RRM2: variants seen among roughly 807,000 people sequenced by gnomAD.
RRM2 encodes the protein ribonucleotide reductase regulatory subunit M2.
In RRM2, 6 loss-of-function variants were observed where a neutral mutation model predicts 45.9. That is an observed-to-expected ratio of 0.13 (90% CI 0.07 to 0.26). RRM2 has a LOEUF of 0.26. Among genes scored for constraint, RRM2 ranks in the 10% least tolerant of loss-of-function variants. The pLI, the probability that RRM2 is intolerant of heterozygous loss-of-function variation, is 1.00. For missense variants in RRM2, 343 were observed against 489.5 expected, an observed-to-expected ratio of 0.70 and a Z score of 2.82; for synonymous variants, 177 against 173.0, an observed-to-expected ratio of 1.02 and a Z score of -0.18.
At position 10,205,043 on chromosome 2, in the gene RRM2, G is replaced by A. The variant is rs1044723766; in HGVS notation, n.483-5268G>A. On this transcript the variant is annotated intron_variant and non_coding_transcript_variant, in intron 3 of 3. Coordinates refer to the RRM2 transcript ENST00000381786. This position sits in a 1 kb window ranked among gnomAD's most constrained non-coding sequence, Gnocchi z 4.8. ...CAAGCAACCCCACGTGGTCTGCTTC[G>A]AATCCAGCAAACTTTTGTTTTCAGT... 6.6e-6 allele frequency among the ~76,000 whole-genome samples: 1 copy of A among 152,204 alleles called. No individual in the cohort carries two copies.
Position 10,127,097 on chromosome 2 carries a change from T to C in RRM2, c.675T>C (p.Val225=), listed in dbSNP as rs756364571. 11 of 1,614,138 alleles carry C rather than the reference T, an allele frequency of 6.8e-6. No individual in the cohort carries two copies. The African/African-American group carries it at 1.3e-4, about 20-fold the overall frequency. The change falls in exon 7 of 10, where the codon GTT becomes GTC. Residue 225 remains valine, a synonymous_variant. Transcript: ENST00000304567. This position sits in a 1 kb window ranked among gnomAD's most constrained non-coding sequence, Gnocchi z 4.1. ...GDKEATYGER[V]VAFAAVEGIF... The stretch of plus-strand genomic sequence containing the variant: ...TTAACTCCTAAATAGGTGAACGTGT[T>C]GTAGCCTTTGCTGCAGTGGAAGGCA...
chr2:10,136,277 A>G (rs1287310226), downstream of RRM2, among the ~76,000 whole-genome samples: 6 of 152,256 alleles, frequency 3.9e-5, no homozygotes, highest in Non-Finnish European at 8.8e-5. Flanking sequence ...TGAAAAGACA[A>G]GACAGGTTTG....
At chr2:10,124,657 G>A (rs1156273021) in intron 4 of RRM2, 60 bp from the exon 5 acceptor site, 46 of 1,599,006 alleles carry the variant, frequency 2.9e-5, no homozygotes, top group Non-Finnish European at 3.7e-5. Context: ...GCCAGTATCC[G>A]TTGACAGTTG....
chr2:10,133,782 G>C (rs971077668), downstream of RRM2, among the ~76,000 whole-genome samples: 2 of 150,420 alleles, frequency 1.3e-5, no homozygotes, highest in South Asian at 2.1e-4. Context: ...GTTCACCTTA[G>C]CCTTGGCTCT....
At chr2:10,160,380 T>C (rs1663530627) in intron 3 of RRM2, among the ~76,000 whole-genome samples, 1 of 152,164 alleles carries the variant, frequency 6.6e-6, no homozygotes, top group Non-Finnish European at 1.5e-5. Flanking sequence ...CACGGAGTGG[T>C]GCTGAGTGGA....
chr2:10,203,063 C>T (rs1230067081), intron 3 of RRM2, among the ~76,000 whole-genome samples: 7 of 152,344 alleles, frequency 4.6e-5, no homozygotes, highest in Non-Finnish European at 7.3e-5. Context: ...GTAATTACCT[C>T]GGCAATGACA....
At position 10,129,485 on chromosome 2, in the gene RRM2, C is replaced by T. The variant is rs186654277; in HGVS notation, c.*99C>T. On this transcript the variant is annotated 3_prime_UTR_variant, in exon 10 of 10. Transcript: ENST00000304567. This position sits in a 1 kb window ranked among gnomAD's most constrained non-coding sequence, Gnocchi z 4.8. Reference sequence around the variant, plus strand: ...CCAACTAGCCACACCATGAATTGTCCGTAATGTTCATTAACAGCATCTTTA... The same window carrying T: ...CCAACTAGCCACACCATGAATTGTCTGTAATGTTCATTAACAGCATCTTTA... The T allele has an allele frequency of 2.4e-4, 298 of 1,230,016 alleles. No individual in the cohort carries two copies. The highest frequency in any genetic ancestry group is 4.8e-4 in the African/African-American group (32 of 66,462). 76.2% of individuals were successfully genotyped at this position (1,230,016 alleles called of 1,614,324 possible).
chr2:10,127,302 A>G lies in RRM2; in HGVS notation c.798+82A>G. The G allele has an allele frequency of 7.2e-7, 1 of 1,390,780 alleles. No homozygotes were observed. The highest frequency in any genetic ancestry group is 1.4e-5 in the African/African-American group (1 of 70,428). 86.2% of individuals were successfully genotyped at this position (1,390,780 alleles called of 1,614,324 possible). A position where few individuals can be genotyped will look rare whatever the true frequency, so the allele number is the denominator to read the frequency against. On this transcript the variant is annotated intron_variant, in intron 7 of 9. Coordinates refer to ENST00000304567, the MANE Select transcript of RRM2 (RefSeq NM_001034.4). The surrounding 1 kb of genome is among the most constrained non-coding windows in gnomAD (Gnocchi z 4.1). ...TCTTGTGTTCACTGACGGGGACCTG[A>G]GATGCTAGATGGCATATATCCACAT...
At chr2:10,201,130 C>G (rs1285048992) in intron 3 of RRM2, among the ~76,000 whole-genome samples, 1 of 135,204 alleles carries the variant, frequency 7.4e-6, no homozygotes. Flanking sequence ...GCCTGGGGAA[C>G]AGAGCAAGAT....
rs1050075802 is a variant in RRM2, at chr2:10,185,329, G to A, written n.483-24982G>A. On this transcript the variant is annotated intron_variant and non_coding_transcript_variant, in intron 3 of 3. Transcript: ENST00000381786. The surrounding 1 kb of genome is among the most constrained non-coding windows in gnomAD (Gnocchi z 4.3). ...GGCTGAGCGTGGGAGGGAGACAGAC[G>A]GCATCGATTCATTAATATATTCAAA... 4.6e-5 allele frequency among the ~76,000 whole-genome samples: 7 copies of A among 151,934 alleles called. No homozygotes were observed. Among genetic ancestry groups the A allele is most frequent in the African/African-American group, 1.7e-4 (7 of 41,336 alleles).
At chr2:10,136,313 G>A (rs1662988478), downstream of RRM2, among the ~76,000 whole-genome samples, 1 of 152,252 alleles carries the variant, frequency 6.6e-6, no homozygotes, top group Admixed American at 6.5e-5. Flanking sequence ...TGGAGATGCT[G>A]GGGCCTCCTA....
chr2:10,209,598 CGTGT>C (rs901389051), intron 3 of RRM2, among the ~76,000 whole-genome samples: 2 of 113,272 alleles, frequency 1.8e-5, no homozygotes, highest in Non-Finnish European at 3.8e-5. Context: ...TGTGCGCGCG[CGTGT>C]GTGTGCGTGC....
At chr2:10,134,340 T>C (rs1662955822), downstream of RRM2, among the ~76,000 whole-genome samples, 1 of 151,962 alleles carries the variant, frequency 6.6e-6, no homozygotes, top group Non-Finnish European at 1.5e-5. Flanking sequence ...TGACGTGCAA[T>C]TGGATTTGGA....
chr2:10,122,659 C>G, upstream of RRM2: 2 of 1,548,772 alleles, frequency 1.3e-6, no homozygotes, highest in Non-Finnish European at 1.7e-6. Context: ...ATGGGAAGGG[C>G]CGGGGCACCA....
intron 3 of RRM2, among the ~76,000 whole-genome samples, chr2:10,201,892 A>C (rs1161827471): frequency 6.6e-6 from 1 of 152,254 alleles, no homozygotes; most frequent in Admixed American, 6.5e-5. Context: ...TTTTATACCA[A>C]ATAAGCCAAA....
At chr2:10,131,544 G>A (rs1662900967), downstream of RRM2, 1 of 152,152 alleles carries the variant, frequency 6.6e-6, no homozygotes, top group African/African-American at 2.4e-5. Context: ...TTCGAGATCA[G>A]CCTGGCCAAC....
intron 3 of RRM2, among the ~76,000 whole-genome samples, chr2:10,186,985 G>A (rs1044233625): frequency 3.3e-5 from 5 of 152,226 alleles, no homozygotes; most frequent in Admixed American, 6.5e-5. Flanking sequence ...GGAGTCCCCC[G>A]AAGGGGGGCT....
chr2:10,200,081 T>C (rs935069214), intron 3 of RRM2, among the ~76,000 whole-genome samples: 10 of 152,138 alleles, frequency 6.6e-5, no homozygotes, highest in Admixed American at 6.5e-4. Context: ...GATCCACCCA[T>C]GTCAGCCTCC....
intron 3 of RRM2, among the ~76,000 whole-genome samples, chr2:10,186,601 C>T (rs888654523): frequency 6.6e-5 from 10 of 152,186 alleles, no homozygotes; most frequent in Non-Finnish European, 1.2e-4. Context: ...GGGGTCAATG[C>T]CCTCTAACCC....
Sources: allele counts gnomAD v4.1 joint callset (sites outside exome capture counted in the v4.1 genomes callset), GRCh38; gene constraint gnomAD v4.1.1; non-coding constraint Gnocchi (gnomAD v3.1); transcripts MANE v1.5; gene names NCBI Gene and HGNC (gene_info 2026-07-23, HGNC 2026-07-21).